AGBL1: variants seen among roughly 807,000 people sequenced by gnomAD.
AGBL1 encodes cytosolic carboxypeptidase 4.
AGBL1 carries 130 observed loss-of-function variants against 118.9 expected under a neutral mutation model. That is an observed-to-expected ratio of 1.09 (90% CI 0.95 to 1.26). The LOEUF is 1.26. Ranked by LOEUF, AGBL1 falls within the 50% of genes most tolerant of loss-of-function variation. AGBL1 has a pLI of 0.00. For missense variants in AGBL1, 1,584 were observed against 1,298.1 expected (o/e 1.22, Z -3.38); for synonymous variants, 555 against 478.9 (o/e 1.16, Z -2.08).
intron 21 of AGBL1, among the ~76,000 whole-genome samples, chr15:86,573,144 T>G (rs1402442630): frequency 6.6e-6 from 1 of 152,254 alleles, no homozygotes; most frequent in Non-Finnish European, 1.5e-5. Flanking sequence ...AGCTGAAGTT[T>G]GTGACTGGGT....
chr15:86,822,781 A>G (rs907703534), intron 22 of AGBL1, among the ~76,000 whole-genome samples: 1 of 152,154 alleles, frequency 6.6e-6, no homozygotes, highest in Non-Finnish European at 1.5e-5. Context: ...TTCCCACACC[A>G]TTACCCCTCA....
chr15:86,286,739 A>ATATATATATATATATATATATATG (rs1223146019), intron 16 of AGBL1, among the ~76,000 whole-genome samples: 3,131 of 136,978 alleles, frequency 0.023, 191 homozygotes, highest in Middle Eastern at 0.038. Context: ...GTGTGTGTAT[A>ATATATATATATATATATATATATG]TATATATATA....
At chr15:86,824,326 A>G (rs1273730845) in intron 22 of AGBL1, among the ~76,000 whole-genome samples, 1 of 152,070 alleles carries the variant, frequency 6.6e-6, no homozygotes, top group East Asian at 1.9e-4. Flanking sequence ...TTAAAATATA[A>G]TACCATTTAT....
intron 24 of AGBL1, among the ~76,000 whole-genome samples, chr15:87,011,363 T>C (rs1386079970): frequency 6.6e-6 from 1 of 151,978 alleles, no homozygotes; most frequent in Non-Finnish European, 1.5e-5. Flanking sequence ...ATTGAGAACA[T>C]GAAATTGTAA....
chr15:86,929,856 T>A (rs1011961890), intron 23 of AGBL1, among the ~76,000 whole-genome samples: 1 of 152,250 alleles, frequency 6.6e-6, no homozygotes, highest in Non-Finnish European at 1.5e-5. Flanking sequence ...TATTCACAGA[T>A]GAATATGATT....
At chr15:86,354,480 G>A (rs1426103045) in intron 17 of AGBL1, among the ~76,000 whole-genome samples, 1 of 152,182 alleles carries the variant, frequency 6.6e-6, no homozygotes, top group Non-Finnish European at 1.5e-5. Context: ...ATGGAGCTGA[G>A]GTAGAAGACA....
rs1006904195 is a variant in AGBL1 at position 86,249,401 on chromosome 15, C to G, written c.735+1522C>G. ...ATTTCTCATTAAAAAATGGTCTTTTCCCCTGCTAAACAATAACAAAATACA... is the reference window on the plus strand; with the variant it reads ...ATTTCTCATTAAAAAATGGTCTTTTGCCCTGCTAAACAATAACAAAATACA... On this transcript the variant is annotated intron_variant, in intron 7 of 22. Coordinates refer to ENST00000614907, the MANE Select transcript of AGBL1 (RefSeq NM_001386094.1). 7.9e-4 allele frequency among the ~76,000 whole-genome samples: 120 copies of G among 152,250 alleles called. 2 individuals are homozygous for G. The highest frequency in any genetic ancestry group is 7.8e-3 in the Admixed American group (119 of 15,288).
intron 22 of AGBL1, among the ~76,000 whole-genome samples, chr15:86,874,607 T>G (rs2079779418): frequency 6.6e-6 from 1 of 152,134 alleles, no homozygotes. Flanking sequence ...GAGCACCAGA[T>G]GATCCAGAGT....
chr15:86,447,483 C>T (rs1441731524), intron 18 of AGBL1, among the ~76,000 whole-genome samples: 1 of 152,202 alleles, frequency 6.6e-6, no homozygotes, highest in Non-Finnish European at 1.5e-5. Flanking sequence ...ATCAATTGAG[C>T]TTCTTGATCA....
At chr15:86,131,082 G>A (rs2076813020) in intron 1 of AGBL1, among the ~76,000 whole-genome samples, 2 of 152,182 alleles carry the variant, frequency 1.3e-5, no homozygotes, top group African/African-American at 4.8e-5. Flanking sequence ...ACTGGGCTTT[G>A]TTATGGCATG....
At chr15:86,895,834 C>G (rs139354510) in intron 22 of AGBL1, among the ~76,000 whole-genome samples, 2 of 152,024 alleles carry the variant, frequency 1.3e-5, no homozygotes, top group Non-Finnish European at 2.9e-5. Flanking sequence ...CTCAAGTTTT[C>G]TAAGATTTGC....
At chr15:86,496,599 C>T (rs1326662545) in intron 18 of AGBL1, among the ~76,000 whole-genome samples, 1 of 151,714 alleles carries the variant, frequency 6.6e-6, no homozygotes, top group Non-Finnish European at 1.5e-5. Flanking sequence ...TTTTAACTTC[C>T]TTTTAATATT....
intron 23 of AGBL1, among the ~76,000 whole-genome samples, chr15:86,965,235 T>C (rs761346001): frequency 5.9e-5 from 9 of 152,172 alleles, no homozygotes; most frequent in Non-Finnish European, 8.8e-5. Flanking sequence ...TGAACTAGTT[T>C]ACAGTCCCAC....
chr15:86,171,305 A>G (rs1203856605), intron 5 of AGBL1, among the ~76,000 whole-genome samples: 2 of 152,312 alleles, frequency 1.3e-5, no homozygotes, highest in South Asian at 4.1e-4. Flanking sequence ...GGTAATCTCA[A>G]TGTAGTCTGG....
chr15:86,272,711 G>A (rs1204336824), intron 15 of AGBL1, among the ~76,000 whole-genome samples: 1 of 152,198 alleles, frequency 6.6e-6, no homozygotes, highest in African/African-American at 2.4e-5. Context: ...GATAATGACA[G>A]TCTATAAGAC....
At chr15:86,941,974 T>C (rs1232658104) in intron 23 of AGBL1, among the ~76,000 whole-genome samples, 1 of 152,210 alleles carries the variant, frequency 6.6e-6, no homozygotes, top group African/African-American at 2.4e-5. Context: ...AAAAGGGTGA[T>C]ATTGGAACTG....
chr15:86,163,136 C>T (rs1406015643), intron 5 of AGBL1, among the ~76,000 whole-genome samples: 2 of 152,208 alleles, frequency 1.3e-5, no homozygotes, highest in African/African-American at 4.8e-5. Context: ...ATAATAGGCT[C>T]TTAATTAAAT....
At chr15:87,030,101 G>C (rs772077246), downstream of AGBL1, among the ~76,000 whole-genome samples, 5 of 151,904 alleles carry the variant, frequency 3.3e-5, no homozygotes, top group Admixed American at 1.3e-4. Context: ...AAGGTATCTG[G>C]AAAAACTGCT....
At position 86,262,876 on chromosome 15, in the gene AGBL1, G is replaced by A. The variant is rs2079015273; in HGVS notation, c.1068G>A (p.Glu356=). 2 of 1,607,418 alleles carry A rather than the reference G, an allele frequency of 1.2e-6. No individual in the cohort carries two copies. The highest frequency in any genetic ancestry group is 1.7e-6 in the Non-Finnish European group (2 of 1,176,780). Residue 356 remains glutamate (E), a synonymous_variant, in exon 10 of 23, where the codon GAG becomes GAA. Transcript: ENST00000614907. ...TGCAATATGAGGTGATGTGTCTTGA[G>A]CTCTCCTATAGCTTTGAGGTAGGAC... The part of the protein sequence containing the change: ...ELMQYEVMCL[E]LSYSFEELQS...
Sources: allele counts gnomAD v4.1 joint callset (sites outside exome capture counted in the v4.1 genomes callset), GRCh38; gene constraint gnomAD v4.1.1; transcripts MANE v1.5; gene names NCBI Gene and HGNC (gene_info 2026-07-23, HGNC 2026-07-21).